Variants in PTPRF observed in about 807,000 individuals in gnomAD.
PTPRF encodes the protein receptor-type tyrosine-protein phosphatase F.
Under a neutral mutation model 201.8 loss-of-function variants are expected in PTPRF, and 59 were observed. The observed-to-expected ratio is 0.29, with a 90% CI of 0.24 to 0.36. The LOEUF (loss-of-function observed/expected upper bound fraction) is 0.36. Among genes scored for constraint, PTPRF ranks in the 10% least tolerant of loss-of-function variants. The pLI, the probability that PTPRF is intolerant of heterozygous loss-of-function variation, is 1.00. For synonymous variants in PTPRF, 1,088 were observed against 1,089.7 expected (o/e 1.00, Z 0.03); for missense variants, 2,132 against 2,690.5 (o/e 0.79, Z 4.59).
intron 22 of PTPRF, among the ~76,000 whole-genome samples, chr1:43,612,127 TG>T (rs1656589599): frequency 6.6e-6 from 1 of 151,916 alleles, no homozygotes; most frequent in Non-Finnish European, 1.5e-5. Flanking sequence ...ATGCCAGGGT[TG>T]GGGGAGTTGT....
chr1:43,589,904 G>A (rs376666497), intron 8 of PTPRF, among the ~76,000 whole-genome samples: 3 of 151,230 alleles, frequency 2.0e-5, no homozygotes, highest in Non-Finnish European at 2.9e-5. Context: ...TGGTCTCCCC[G>A]CTGCAATTCT....
At chr1:43,584,786 T>G (rs1458877577) in intron 7 of PTPRF, among the ~76,000 whole-genome samples, 1 of 152,240 alleles carries the variant, frequency 6.6e-6, no homozygotes, top group African/African-American at 2.4e-5. Context: ...TTATTTTATC[T>G]TGATACAGTG....
At chr1:43,565,735 A>T (rs982353510) in intron 5 of PTPRF, among the ~76,000 whole-genome samples, 2 of 152,032 alleles carry the variant, frequency 1.3e-5, no homozygotes, top group Non-Finnish European at 2.9e-5. Flanking sequence ...GGGAAAGCCT[A>T]GTGGGAGGAT....
At position 43,619,356 on chromosome 1, in the gene PTPRF, A is replaced by G; in HGVS notation, c.4715A>G (p.Lys1572Arg). Residue 1572 changes from lysine to arginine, a missense_variant, in exon 28 of 34, where the codon AAG (lysine) becomes AGG (arginine). Lys to Arg is a conservative substitution (Grantham distance 26). This residue lies in a region of PTPRF where 519 missense variants were observed against 659.5 expected (regional missense o/e 0.79). Coordinates refer to ENST00000359947, the MANE Select transcript of PTPRF (RefSeq NM_002840.5). ...ATGTTGGAGCGGATGAAGCACGAGA[A>G]GACGGTGGACATCTATGGCCACGTG... The part of the protein sequence containing the change: ...DAMLERMKHE[K>R]TVDIYGHVTC... 6.2e-7 allele frequency: 1 copy of G among 1,614,032 alleles called. No individual in the cohort carries two copies. Among genetic ancestry groups the G allele is most frequent in the South Asian group, 1.1e-5 (1 of 91,084 alleles).
chr1:43,584,449 G>A (rs539907947), intron 7 of PTPRF, among the ~76,000 whole-genome samples: 15 of 152,290 alleles, frequency 9.8e-5, no homozygotes, highest in African/African-American at 3.4e-4. Flanking sequence ...GCAGATCTGC[G>A]AGGGCGTCCA....
At position 43,537,901 on chromosome 1, in the gene PTPRF, CCA is replaced by C. The variant is rs1425806540; in HGVS notation, c.-125-294_-125-293del. 6.6e-6 allele frequency among the ~76,000 whole-genome samples: 1 copy of C among 152,068 alleles called. No homozygotes were observed. Among genetic ancestry groups the C allele is most frequent in the Non-Finnish European group, 1.5e-5 (1 of 68,010 alleles). ...TCTGGGGTCATGCTGAGGAGCTGGGCCACAGAGTCTACTGCTGAGGTCAGGGA... is the reference window on the plus strand; with the variant it reads ...TCTGGGGTCATGCTGAGGAGCTGGGCCAGAGTCTACTGCTGAGGTCAGGGA... On this transcript the variant is annotated intron_variant, in intron 1 of 33. Coordinates refer to ENST00000359947, the MANE Select transcript of PTPRF (RefSeq NM_002840.5). This position sits in a 1 kb window ranked among gnomAD's most constrained non-coding sequence, Gnocchi z 4.8.
At chr1:43,550,110 C>G (rs1290920184) in intron 3 of PTPRF, among the ~76,000 whole-genome samples, 1 of 141,550 alleles carries the variant, frequency 7.1e-6, no homozygotes, top group Non-Finnish European at 1.6e-5. Context: ...GCCTGCCTGT[C>G]TGGTCCCCCG....
rs1377739577 is a variant in PTPRF at position 43,554,854 on chromosome 1, T to C, written c.379+913T>C. Among the ~76,000 whole-genome samples the C allele has an allele frequency of 7.0e-6, 1 of 143,826 alleles. No homozygotes were observed. 94.4% of individuals were successfully genotyped at this position (143,826 alleles called of 152,430 possible). ...TGCTTTTTTTTCTTTTCTTTCTTTC[T>C]TTCTTTTTTTTTTTTTGAGATGCAG... is the stretch of plus-strand genomic sequence containing the variant. On this transcript the variant is annotated intron_variant, in intron 5 of 33. Coordinates refer to ENST00000359947, the MANE Select transcript of PTPRF (RefSeq NM_002840.5). This position sits in a 1 kb window ranked among gnomAD's most constrained non-coding sequence, Gnocchi z 4.1.
intron 5 of PTPRF, among the ~76,000 whole-genome samples, chr1:43,565,901 T>C (rs1570029058): frequency 6.6e-6 from 1 of 152,164 alleles, no homozygotes; most frequent in South Asian, 2.1e-4. Context: ...CGCTCCACCG[T>C]CGCCATGGCT....
chr1:43,613,535 G>T (rs903558548), intron 22 of PTPRF, 83 bp from the exon 23 acceptor site: 1 of 1,110,302 alleles, frequency 9.0e-7, no homozygotes, highest in African/African-American at 1.5e-5. Context: ...GTTCACATGT[G>T]CACATACATG....
At chr1:43,589,137 G>A in intron 8 of PTPRF, 137 bp downstream of exon 8, 1 of 1,058,982 alleles carries the variant, frequency 9.4e-7, no homozygotes, top group Non-Finnish European at 1.3e-6. Context: ...CCCTGCCCTG[G>A]GGTCCTCCAG....
intron 7 of PTPRF, 56 bp downstream of exon 7, chr1:43,578,976 C>T (rs765880339): frequency 2.8e-5 from 43 of 1,535,812 alleles, no homozygotes; most frequent in African/African-American, 4.1e-5. Flanking sequence ...CTGCACCTGC[C>T]GGGCTCTCTG....
intron 5 of PTPRF, 105 bp from the exon 6 acceptor site, chr1:43,569,485 G>A: frequency 1.7e-6 from 2 of 1,169,578 alleles, no homozygotes; most frequent in South Asian, 1.5e-5. Flanking sequence ...GGGGAGGGGA[G>A]TCTTGAGGGC....
In PTPRF at chr1:43,598,775, G is replaced by A. The variant is rs1243999545; in HGVS notation, c.2175G>A (p.Val725=). The A allele has an allele frequency of 1.9e-6, 3 of 1,614,062 alleles. No individual in the cohort carries two copies. Among genetic ancestry groups the A allele is most frequent in the Non-Finnish European group, 2.5e-6 (3 of 1,180,020 alleles). The change falls in exon 13 of 34, where the codon GTG becomes GTA. Residue 725 remains valine, a synonymous_variant. Transcript: ENST00000359947. ...TGGAGCCACTGAACTCCACTGCTGT[G>A]CATGTCTACTGGAAGCTGCCTGTCC... The part of the protein sequence containing the change: ...VEVEPLNSTA[V]HVYWKLPVPS...
chr1:43,615,144 T>C (rs1657429108), intron 23 of PTPRF, among the ~76,000 whole-genome samples: 1 of 152,174 alleles, frequency 6.6e-6, no homozygotes, highest in Non-Finnish European at 1.5e-5. Flanking sequence ...CCAAGGGCTG[T>C]GGGCCAGGTT....
intron 2 of PTPRF, among the ~76,000 whole-genome samples, chr1:43,539,651 C>G (rs1332649894): frequency 1.3e-5 from 2 of 152,140 alleles, no homozygotes; most frequent in African/African-American, 4.8e-5. Context: ...GTGTCACAGG[C>G]TGGAAAGGTC....
chr1:43,549,570 A>G (rs1392406601), intron 3 of PTPRF, among the ~76,000 whole-genome samples: 1 of 152,196 alleles, frequency 6.6e-6, no homozygotes, highest in Non-Finnish European at 1.5e-5. Context: ...GAAAGAGTAA[A>G]GAAGCCGGGT....
intron 27 of PTPRF, 25 bp downstream of exon 27, chr1:43,619,227 AGGGGTGGGT>A (rs898955118): frequency 8.8e-6 from 4 of 452,356 alleles, no homozygotes; most frequent in African/African-American, 3.5e-5. Context: ...TGCCACCCAG[AGGGGTGGGT>A]GGGGTGGGAG....
chr1:43,595,260 G>A (rs1286870825), intron 11 of PTPRF, among the ~76,000 whole-genome samples: 1 of 152,178 alleles, frequency 6.6e-6, no homozygotes, highest in African/African-American at 2.4e-5. Context: ...TCCCAGGCTG[G>A]AGTGCAGTGG....
Sources: gnomAD v4.1 joint callset for allele counts (sites outside exome capture counted in the v4.1 genomes callset) on GRCh38, gnomAD v4.1.1 for gene constraint, gnomAD v4.1.1 regional missense constraint, Gnocchi (gnomAD v3.1) non-coding constraint, MANE v1.5 for transcripts, NCBI Gene and HGNC (gene_info 2026-07-23, HGNC 2026-07-21) for gene names.